LYPLAL1: variants seen among roughly 807,000 people sequenced by gnomAD.
LYPLAL1 encodes the protein lysophospholipase like 1.
In LYPLAL1, 23 loss-of-function variants were observed where a neutral mutation model predicts 19.7. That is an observed-to-expected ratio of 1.17 (90% confidence interval 0.84 to 1.65). The LOEUF (loss-of-function observed/expected upper bound fraction) is 1.65, where lower values mean the gene tolerates loss of function less well. Among genes scored for constraint, LYPLAL1 ranks in the 40% most tolerant of loss-of-function variants. The pLI is 0.00. For missense variants in LYPLAL1, 355 were observed against 279.4 expected (o/e 1.27, Z -1.93); for synonymous variants, 119 against 96.3 (o/e 1.24, Z -1.38).
the LYPLAL1 span, among the ~76,000 whole-genome samples, chr1:219,414,770 T>C: frequency 6.6e-6 from 1 of 152,172 alleles, no homozygotes; most frequent in East Asian, 1.9e-4. Flanking sequence ...GTCACTACAG[T>C]CCTTTCTTTC....
the LYPLAL1 span, among the ~76,000 whole-genome samples, chr1:219,269,504 G>A: frequency 6.6e-6 from 1 of 152,070 alleles, no homozygotes; most frequent in African/African-American, 2.4e-5. Context: ...AATAGGCAGG[G>A]ACCAAAAATC....
chr1:219,258,516 T>C, the LYPLAL1 span, among the ~76,000 whole-genome samples: 1 of 152,102 alleles, frequency 6.6e-6, no homozygotes, highest in Non-Finnish European at 1.5e-5. Context: ...TACTATGCTC[T>C]TAAACGTAAG....
At chr1:219,393,455 A>G in the LYPLAL1 span, among the ~76,000 whole-genome samples, 1 of 152,124 alleles carries the variant, frequency 6.6e-6, no homozygotes, top group South Asian at 2.1e-4. Context: ...TAGGCACATG[A>G]CACCCAGGGT....
At chr1:219,297,321 A>G in the LYPLAL1 span, among the ~76,000 whole-genome samples, 31 of 152,348 alleles carry the variant, frequency 2.0e-4, no homozygotes, top group African/African-American at 6.3e-4. Flanking sequence ...AAATATTTCA[A>G]TAAGACTGAT....
At chr1:219,275,345 A>G in the LYPLAL1 span, among the ~76,000 whole-genome samples, 1 of 152,172 alleles carries the variant, frequency 6.6e-6, no homozygotes, top group Non-Finnish European at 1.5e-5. Flanking sequence ...CTGGTTCCCA[A>G]GTTCCTGGAG....
At chr1:219,320,164 G>A in the LYPLAL1 span, among the ~76,000 whole-genome samples, 9 of 152,092 alleles carry the variant, frequency 5.9e-5, no homozygotes, top group Admixed American at 3.3e-4. Context: ...TCCATTCTCC[G>A]TCCCATGTTT....
chr1:219,211,453 A>T, intron 4 of LYPLAL1, 39 bp from the exon 5 acceptor site: 1 of 1,303,056 alleles, frequency 7.7e-7, no homozygotes, highest in Non-Finnish European at 1.1e-6. Context: ...CTTAAATGGA[A>T]TTTCTTAAAC....
At chr1:219,387,606 T>C in the LYPLAL1 span, among the ~76,000 whole-genome samples, 11 of 152,234 alleles carry the variant, frequency 7.2e-5, no homozygotes, top group African/African-American at 2.7e-4. Context: ...ATAGAGATAA[T>C]AACTCTCCTG....
the LYPLAL1 span, among the ~76,000 whole-genome samples, chr1:219,317,405 AT>A: frequency 1.3e-5 from 2 of 151,926 alleles, no homozygotes; most frequent in Non-Finnish European, 2.9e-5. Flanking sequence ...TTTAACTTGG[AT>A]TTTTTTTCTC....
chr1:219,241,132 CTCTATA>C, the LYPLAL1 span, among the ~76,000 whole-genome samples: 26 of 57,514 alleles, frequency 4.5e-4, no homozygotes, highest in African/African-American at 1.3e-3. Flanking sequence ...CTCTCTCTCT[CTCTATA>C]TATATATATA....
At chr1:219,419,548 AACACAC>A in the LYPLAL1 span, among the ~76,000 whole-genome samples, 133 of 97,862 alleles carry the variant, frequency 1.4e-3, 2 homozygotes, top group South Asian at 2.9e-3. Flanking sequence ...GCCCTAGCCC[AACACAC>A]ACACACACAC....
At chr1:219,281,529 A>G in the LYPLAL1 span, among the ~76,000 whole-genome samples, 4 of 152,296 alleles carry the variant, frequency 2.6e-5, no homozygotes, top group Non-Finnish European at 5.9e-5. Context: ...AGTGGAGTTC[A>G]GGAGAAGGTT....
chr1:219,423,258 A>G, the LYPLAL1 span, among the ~76,000 whole-genome samples: 1 of 150,048 alleles, frequency 6.7e-6, no homozygotes, highest in Non-Finnish European at 1.5e-5. Flanking sequence ...TACCAACTGG[A>G]AGTAATCTAC....
chr1:219,427,982 C>T, the LYPLAL1 span, among the ~76,000 whole-genome samples: 13 of 152,174 alleles, frequency 8.5e-5, no homozygotes, highest in Non-Finnish European at 1.5e-4. Flanking sequence ...GATTTCCAGG[C>T]CTTCATCTTG....
the LYPLAL1 span, among the ~76,000 whole-genome samples, chr1:219,325,019 G>T: frequency 6.6e-6 from 1 of 152,126 alleles, no homozygotes; most frequent in African/African-American, 2.4e-5. Flanking sequence ...ACCATCACTA[G>T]ACTGAGGCTA....
chr1:219,186,677 C>G (rs185801448), intron 2 of LYPLAL1, among the ~76,000 whole-genome samples: 99 of 151,718 alleles, frequency 6.5e-4, no homozygotes, highest in Admixed American at 6.5e-3. Context: ...CATCCTTTTA[C>G]TTTCTTTTGA....
chr1:219,297,250 G>C, the LYPLAL1 span, among the ~76,000 whole-genome samples: 3 of 152,170 alleles, frequency 2.0e-5, no homozygotes, highest in African/African-American at 7.2e-5. Flanking sequence ...GTCCCAGATA[G>C]ATGCTTTTTG....
At chr1:219,337,088 G>A in the LYPLAL1 span, among the ~76,000 whole-genome samples, 2 of 151,954 alleles carry the variant, frequency 1.3e-5, no homozygotes, top group African/African-American at 2.4e-5. Flanking sequence ...TCTTCTCATT[G>A]TCTTCTCCTC....
chr1:219,375,335 G>A, the LYPLAL1 span, among the ~76,000 whole-genome samples: 14 of 151,810 alleles, frequency 9.2e-5, no homozygotes, highest in South Asian at 2.1e-4. Flanking sequence ...GCGTGGTGGC[G>A]CATGCCTGCA....
Sources: allele counts gnomAD v4.1 joint callset (sites outside exome capture counted in the v4.1 genomes callset), GRCh38; gene constraint gnomAD v4.1.1; transcripts MANE v1.5; gene names NCBI Gene and HGNC (gene_info 2026-07-23, HGNC 2026-07-21).